The following CTNNBL1 variants were observed in gnomAD, a reference collection of about 807,000 sequenced individuals.
CTNNBL1 encodes beta-catenin-like protein 1.
CTNNBL1 carries 31 observed loss-of-function variants against 72.7 expected under a neutral mutation model. That is an observed-to-expected ratio of 0.43 (90% confidence interval 0.32 to 0.58). The LOEUF (loss-of-function observed/expected upper bound fraction) is 0.58. CTNNBL1 is among the 20% of genes least tolerant of loss of function. The probability of loss-of-function intolerance (pLI) is 0.08; values close to 1 mark genes in which losing one functional copy is unlikely to be tolerated. For synonymous variants in CTNNBL1, 240 were observed against 267.3 expected (o/e 0.90, Z 1.00); for missense variants, 534 against 725.1 (o/e 0.74, Z 3.03).
chr20:37,725,600 CCTCTTTG>C (rs2073077921), intron 1 of CTNNBL1, among the ~76,000 whole-genome samples: 1 of 143,346 alleles, frequency 7.0e-6, no homozygotes, highest in African/African-American at 2.6e-5. Flanking sequence ...CGCCCAGCCG[CCTCTTTG>C]ATTTCTTAAT....
chr20:37,729,048 A>ATAAC (rs1416827414), intron 1 of CTNNBL1, among the ~76,000 whole-genome samples: 7 of 152,218 alleles, frequency 4.6e-5, no homozygotes, highest in African/African-American at 1.7e-4. Flanking sequence ...TTCAAACCTT[A>ATAAC]TAACTCTTTA....
intron 13 of CTNNBL1, among the ~76,000 whole-genome samples, chr20:37,854,915 A>G (rs1395061270): frequency 1.3e-5 from 2 of 152,030 alleles, no homozygotes; most frequent in Admixed American, 1.3e-4. Flanking sequence ...CTGAGAAGTA[A>G]AGGAGTTAAT....
At chr20:37,786,409 C>G (rs2073673801) in intron 10 of CTNNBL1, among the ~76,000 whole-genome samples, 1 of 152,214 alleles carries the variant, frequency 6.6e-6, no homozygotes, top group Admixed American at 6.5e-5. Flanking sequence ...AGAGCCTGGA[C>G]TTGGGAACCT....
At chr20:37,712,047 T>A (rs1471680106) in intron 1 of CTNNBL1, among the ~76,000 whole-genome samples, 1 of 152,180 alleles carries the variant, frequency 6.6e-6, no homozygotes, top group Non-Finnish European at 1.5e-5. Flanking sequence ...CTGGCCAGCT[T>A]AGCTGTGGGA....
At position 37,785,767 on chromosome 20, in the gene CTNNBL1, G is replaced by A. The variant is rs557411451; in HGVS notation, c.1031+6432G>A. Among the ~76,000 whole-genome samples the A allele has an allele frequency of 5.9e-5, 9 of 152,254 alleles. No homozygotes were observed. In the East Asian group the frequency reaches 1.5e-3, roughly 26 times the overall value. ...TCTCTTACTTAGTTCATTTGTTGAG[G>A]TCATGTTTTCTTGGACGGTCTTGAT... On this transcript the variant is annotated intron_variant, in intron 10 of 15. Coordinates refer to ENST00000361383, the MANE Select transcript of CTNNBL1 (RefSeq NM_030877.5).
chr20:37,712,058 G>A (rs2072942949), intron 1 of CTNNBL1, among the ~76,000 whole-genome samples: 1 of 152,200 alleles, frequency 6.6e-6, no homozygotes, highest in Admixed American at 6.5e-5. Context: ...AGCTGTGGGA[G>A]GGTGTGGAAT....
intron 15 of CTNNBL1, among the ~76,000 whole-genome samples, chr20:37,864,659 G>T (rs930243544): frequency 6.6e-6 from 1 of 152,198 alleles, no homozygotes; most frequent in Non-Finnish European, 1.5e-5. Flanking sequence ...GGGAACCGTG[G>T]TCTGAGGACT....
chr20:37,738,126 AAAG>A (rs1403999940), intron 3 of CTNNBL1, among the ~76,000 whole-genome samples: 1 of 152,244 alleles, frequency 6.6e-6, no homozygotes, highest in Non-Finnish European at 1.5e-5. Context: ...TTCAGTGCCC[AAAG>A]AAGACTGATC....
intron 15 of CTNNBL1, among the ~76,000 whole-genome samples, chr20:37,864,879 C>T (rs1048061572): frequency 2.0e-5 from 3 of 152,050 alleles, no homozygotes; most frequent in South Asian, 2.1e-4. Context: ...AGTCACTTAC[C>T]GAGCTCCTAC....
intron 11 of CTNNBL1, among the ~76,000 whole-genome samples, chr20:37,804,867 C>T (rs1188452887): frequency 6.6e-6 from 1 of 152,232 alleles, no homozygotes; most frequent in Non-Finnish European, 1.5e-5. Context: ...AGAGTAACCG[C>T]ATTAGGCATG....
intron 11 of CTNNBL1, among the ~76,000 whole-genome samples, chr20:37,829,007 C>G (rs769907962): frequency 6.6e-6 from 1 of 152,192 alleles, no homozygotes; most frequent in Non-Finnish European, 1.5e-5. Flanking sequence ...AATCTGTATT[C>G]CAACACACCA....
At chr20:37,863,963 G>C (rs1427236270) in intron 15 of CTNNBL1, among the ~76,000 whole-genome samples, 1 of 152,204 alleles carries the variant, frequency 6.6e-6, no homozygotes, top group Non-Finnish European at 1.5e-5. Context: ...ACCCACGGCA[G>C]GGGAAGCCAG....
At chr20:37,839,687 T>G (rs372101732) in intron 11 of CTNNBL1, among the ~76,000 whole-genome samples, 1 of 152,244 alleles carries the variant, frequency 6.6e-6, no homozygotes, top group Non-Finnish European at 1.5e-5. Flanking sequence ...GGGAAAGTTA[T>G]AAGGTAATTT....
intron 15 of CTNNBL1, among the ~76,000 whole-genome samples, chr20:37,863,355 C>T (rs994851215): frequency 4.6e-5 from 7 of 152,176 alleles, no homozygotes; most frequent in East Asian, 1.9e-4. Context: ...AAGGAATAAG[C>T]GAGATCCCTA....
intron 15 of CTNNBL1, among the ~76,000 whole-genome samples, chr20:37,870,875 A>G (rs1454231667): frequency 6.6e-6 from 1 of 151,796 alleles, no homozygotes; most frequent in African/African-American, 2.4e-5. Flanking sequence ...CTCCCCTTAG[A>G]TCCTCTGCCC....
chr20:37,826,868 A>G (rs1280123953), intron 11 of CTNNBL1, among the ~76,000 whole-genome samples: 1 of 152,234 alleles, frequency 6.6e-6, no homozygotes, highest in African/African-American at 2.4e-5. Flanking sequence ...TATGTATAAT[A>G]CGTATTTTTA....
chr20:37,796,774 CCTT>C (rs1158307190), intron 10 of CTNNBL1, among the ~76,000 whole-genome samples: 1 of 152,200 alleles, frequency 6.6e-6, no homozygotes, highest in African/African-American at 2.4e-5. Context: ...CAGCTCTACA[CCTT>C]CTTTATTTCA....
At chr20:37,732,740 T>G in intron 1 of CTNNBL1, 139 bp from the exon 2 acceptor site, 1 of 650,762 alleles carries the variant, frequency 1.5e-6, no homozygotes, top group Admixed American at 3.1e-5. Context: ...CCATGTTGCC[T>G]CAGGCTGGTC....
At chr20:37,862,312 T>C (rs915569677) in intron 15 of CTNNBL1, among the ~76,000 whole-genome samples, 2 of 152,224 alleles carry the variant, frequency 1.3e-5, no homozygotes, top group Non-Finnish European at 2.9e-5. Context: ...TTAGAACTTC[T>C]TATTACCCTC....
Sources: allele counts gnomAD v4.1 joint callset (sites outside exome capture counted in the v4.1 genomes callset), GRCh38; gene constraint gnomAD v4.1.1; transcripts MANE v1.5; gene names NCBI Gene and HGNC (gene_info 2026-07-23, HGNC 2026-07-21).